Variants in ADCK1 observed in about 807,000 individuals in gnomAD.
The protein encoded by ADCK1 is aarF domain containing kinase 1.
ADCK1 carries 41 observed loss-of-function variants against 52.3 expected under a neutral mutation model. The ratio of observed to expected loss-of-function variants is 0.78; its 90% CI spans 0.61 to 1.02. ADCK1 has a LOEUF of 1.02. Among genes scored for constraint, ADCK1 ranks in the 50% least tolerant of loss-of-function variants. The probability of loss-of-function intolerance (pLI) is 0.00; values close to 1 mark genes in which losing one functional copy is unlikely to be tolerated. For missense variants in ADCK1, 658 were observed against 679.5 expected (o/e 0.97, Z 0.35); for synonymous variants, 250 against 274.6 (o/e 0.91, Z 0.89).
At chr14:77,881,615 C>T (rs919812919) in intron 4 of ADCK1, among the ~76,000 whole-genome samples, 1 of 152,188 alleles carries the variant, frequency 6.6e-6, no homozygotes, top group Non-Finnish European at 1.5e-5. Flanking sequence ...CATGTCACTT[C>T]CATGCTTAGG....
chr14:77,837,976 G>A (rs2081995014), intron 3 of ADCK1, among the ~76,000 whole-genome samples: 1 of 152,220 alleles, frequency 6.6e-6, no homozygotes, highest in African/African-American at 2.4e-5. Flanking sequence ...CTAGATGGAA[G>A]GCTGTAATAT....
chr14:77,820,524 G>T (rs371323206), intron 2 of ADCK1, among the ~76,000 whole-genome samples: 2 of 151,514 alleles, frequency 1.3e-5, no homozygotes, highest in Non-Finnish European at 2.9e-5. Flanking sequence ...TAGAGATAGG[G>T]TTTCGCTATG....
chr14:77,916,293 G>A (rs2083922981), intron 7 of ADCK1, among the ~76,000 whole-genome samples: 1 of 151,720 alleles, frequency 6.6e-6, no homozygotes, highest in African/African-American at 2.4e-5. Context: ...GAGACTTGAG[G>A]AGGCTCTCTG....
At chr14:77,820,965 C>T (rs1360647452) in intron 2 of ADCK1, 1 of 152,096 alleles carries the variant, frequency 6.6e-6, no homozygotes, top group Non-Finnish European at 1.5e-5. Flanking sequence ...ATCTGCCTGG[C>T]TTGGCCTCCC....
At chr14:77,867,520 T>C (rs563187441) in intron 4 of ADCK1, among the ~76,000 whole-genome samples, 1 of 152,338 alleles carries the variant, frequency 6.6e-6, no homozygotes, top group South Asian at 2.1e-4. Flanking sequence ...TTTTTATCAA[T>C]TATGAGAGAG....
At chr14:77,814,706 A>G (rs1042511771) in intron 1 of ADCK1, among the ~76,000 whole-genome samples, 9 of 150,384 alleles carry the variant, frequency 6.0e-5, no homozygotes, top group Admixed American at 1.3e-4. Context: ...AAAAAAAAAA[A>G]AAAAAAAAAA....
intron 9 of ADCK1, 124 bp downstream of exon 9, chr14:77,926,085 G>A: frequency 8.8e-7 from 1 of 1,132,908 alleles, no homozygotes; most frequent in Non-Finnish European, 1.3e-6. Context: ...TGGGGGAGGG[G>A]AAGAATTGGA....
chr14:77,843,624 ATAATATTAT>A (rs2082119378), intron 3 of ADCK1, among the ~76,000 whole-genome samples: 1 of 152,174 alleles, frequency 6.6e-6, no homozygotes, highest in Non-Finnish European at 1.5e-5. Flanking sequence ...GTTGCCAGTA[ATAATATTAT>A]TAATCCCTTA....
chr14:77,818,947 C>T (rs2081521470), intron 1 of ADCK1, 21 bp from the exon 2 acceptor site: 1 of 1,609,168 alleles, frequency 6.2e-7, no homozygotes, highest in East Asian at 2.2e-5. Context: ...TATTCTTTCT[C>T]AACTTTCCTT....
chr14:77,824,057 C>G (rs1403696350), intron 3 of ADCK1, among the ~76,000 whole-genome samples: 1 of 152,044 alleles, frequency 6.6e-6, no homozygotes, highest in Non-Finnish European at 1.5e-5. Context: ...GGCCACCACG[C>G]CTGGCTAATT....
At chr14:77,814,561 C>G (rs1307013333) in intron 1 of ADCK1, among the ~76,000 whole-genome samples, 1 of 151,212 alleles carries the variant, frequency 6.6e-6, no homozygotes, top group Admixed American at 6.6e-5. Context: ...ATGGCGAAAC[C>G]CCATCTTTAC....
At chr14:77,812,361 C>T (rs538470339) in intron 1 of ADCK1, among the ~76,000 whole-genome samples, 6 of 152,008 alleles carry the variant, frequency 3.9e-5, no homozygotes, top group African/African-American at 1.5e-4. Context: ...TTAGATTCCA[C>T]CTAAGAGTGA....
At chr14:77,808,142 G>C (rs531596558) in intron 1 of ADCK1, among the ~76,000 whole-genome samples, 1 of 152,334 alleles carries the variant, frequency 6.6e-6, no homozygotes, top group South Asian at 2.1e-4. Flanking sequence ...CCAGCAGGTG[G>C]GTGGGAGCGA....
chr14:77,849,124 G>A (rs1179465382), intron 3 of ADCK1, among the ~76,000 whole-genome samples: 3 of 152,178 alleles, frequency 2.0e-5, no homozygotes, highest in East Asian at 1.9e-4. Flanking sequence ...CACCGCGCCC[G>A]GCCACAGTGG....
chr14:77,858,127 C>A (rs2082461583), intron 3 of ADCK1, among the ~76,000 whole-genome samples: 1 of 152,180 alleles, frequency 6.6e-6, no homozygotes, highest in South Asian at 2.1e-4. Flanking sequence ...CTCATACCCC[C>A]CACTACAGTG....
At chr14:77,809,181 G>C (rs1456949526) in intron 1 of ADCK1, among the ~76,000 whole-genome samples, 1 of 152,138 alleles carries the variant, frequency 6.6e-6, no homozygotes, top group African/African-American at 2.4e-5. Flanking sequence ...GATAAGAATG[G>C]TATGAATACA....
At chr14:77,916,448 C>T (rs1253438309) in intron 7 of ADCK1, among the ~76,000 whole-genome samples, 1 of 152,044 alleles carries the variant, frequency 6.6e-6, no homozygotes, top group African/African-American at 2.4e-5. Context: ...CTCAGCATCT[C>T]TTCTTTCTAT....
chr14:77,869,924 T>C (rs1177611137), intron 4 of ADCK1, among the ~76,000 whole-genome samples: 6 of 152,212 alleles, frequency 3.9e-5, no homozygotes, highest in Admixed American at 2.0e-4. Flanking sequence ...CTAAGTCAGA[T>C]GTTGTACCGG....
chr14:77,879,800 C>T (rs754562458), intron 4 of ADCK1, among the ~76,000 whole-genome samples: 9 of 152,146 alleles, frequency 5.9e-5, no homozygotes, highest in East Asian at 1.9e-4. Context: ...ACTGAGAGTC[C>T]GAAACTGCTG....
Sources: gnomAD v4.1 joint callset for allele counts (sites outside exome capture counted in the v4.1 genomes callset) on GRCh38, gnomAD v4.1.1 for gene constraint, MANE v1.5 for transcripts, NCBI Gene and HGNC (gene_info 2026-07-23, HGNC 2026-07-21) for gene names.